Variants in HIGD1A observed in about 807,000 individuals in gnomAD.
HIGD1A encodes the protein HIG1 domain family member 1A, mitochondrial.
Under a neutral mutation model 11.3 loss-of-function variants are expected in HIGD1A, and 8 were observed. The observed-to-expected ratio is 0.71, with a 90% CI of 0.42 to 1.28. The LOEUF (loss-of-function observed/expected upper bound fraction) is 1.28, where lower values mean the gene tolerates loss of function less well. HIGD1A is among the 50% of genes most tolerant of loss of function. The probability of loss-of-function intolerance (pLI) is 0.01; values close to 1 mark genes in which losing one functional copy is unlikely to be tolerated. For missense variants in HIGD1A, 107 were observed against 118.8 expected (o/e 0.90, Z 0.46); for synonymous variants, 32 against 38.4 (o/e 0.83, Z 0.62).
chr3:42,804,155 C>G, intron 1 of HIGD1A: 1 of 1,609,346 alleles, frequency 6.2e-7, no homozygotes, highest in Non-Finnish European at 8.5e-7. Flanking sequence ...GCGAGTCTTC[C>G]CCGCTCGGCA....
At chr3:42,786,350 A>T (rs1206327783) in intron 2 of HIGD1A, among the ~76,000 whole-genome samples, 188 bp from the exon 3 acceptor site, 2 of 152,206 alleles carry the variant, frequency 1.3e-5, no homozygotes, top group African/African-American at 4.8e-5. Flanking sequence ...ACAACAACAG[A>T]TCCAGAAAGT....
At chr3:42,789,045 T>TTC (rs1322066305) in intron 2 of HIGD1A, among the ~76,000 whole-genome samples, 6 of 144,048 alleles carry the variant, frequency 4.2e-5, no homozygotes, top group African/African-American at 1.5e-4. Flanking sequence ...GGAATTTTTT[T>TTC]TTTTTTTTTT....
In HIGD1A at chr3:42,804,423, T is replaced by C. The variant is rs916631921; in HGVS notation, c.-23+13A>G. 2.0e-6 allele frequency: 1 copy of C among 499,890 alleles called. No individual in the cohort carries two copies. The highest frequency in any genetic ancestry group is 3.5e-6 in the Non-Finnish European group (1 of 282,118). The allele number at this position is 499,890 out of a possible 1,614,324, so 31.0% of individuals were successfully genotyped here. A position where few individuals can be genotyped will look rare whatever the true frequency, so the allele number is the denominator to read the frequency against. ...AGTCCCTGGCTCGCAGTCCCCCGGCTTGTTTCGCTTACCTAGAGCGAGAAA... is the reference window on the plus strand; with the variant it reads ...AGTCCCTGGCTCGCAGTCCCCCGGCCTGTTTCGCTTACCTAGAGCGAGAAA... On this transcript the variant is annotated intron_variant, in intron 1 of 3. Transcript: ENST00000321331.
intron 2 of HIGD1A, among the ~76,000 whole-genome samples, chr3:42,790,996 T>C (rs1247900357): frequency 6.6e-6 from 1 of 152,138 alleles, no homozygotes; most frequent in Non-Finnish European, 1.5e-5. Context: ...TTTAAGAAGG[T>C]AGAATAGTGA....
chr3:42,790,414 T>C (rs543366197), intron 2 of HIGD1A, among the ~76,000 whole-genome samples: 113 of 152,266 alleles, frequency 7.4e-4, no homozygotes, highest in African/African-American at 2.7e-3. Context: ...GCGCCTGTAA[T>C]ACCAGCTACT....
chr3:42,787,723 C>T (rs575020674), intron 2 of HIGD1A, among the ~76,000 whole-genome samples: 13 of 149,234 alleles, frequency 8.7e-5, no homozygotes, highest in African/African-American at 2.2e-4. Flanking sequence ...TATTAGAAGA[C>T]AACAAAATGG....
At chr3:42,804,323 G>A in intron 1 of HIGD1A, 113 bp downstream of exon 1, 1 of 834,262 alleles carries the variant, frequency 1.2e-6, no homozygotes, top group Non-Finnish European at 1.8e-6. Flanking sequence ...TCGAGACACG[G>A]ACTCCCAGCC....
chr3:42,804,029 C>T (rs1700604275), intron 1 of HIGD1A: 1 of 859,638 alleles, frequency 1.2e-6, no homozygotes, highest in Admixed American at 2.5e-5. Flanking sequence ...CCTCGCCTGC[C>T]GCTTAGCCCG....
intron 1 of HIGD1A, 140 bp downstream of exon 1, chr3:42,804,291 AACTCC>A (rs1700608022): frequency 8.4e-7 from 1 of 1,188,150 alleles, no homozygotes; most frequent in African/African-American, 1.5e-5. Context: ...GAGCCCCGGC[AACTCC>A]ACCTCTCCTC....
intron 1 of HIGD1A, among the ~76,000 whole-genome samples, chr3:42,795,876 C>A (rs1022500719): frequency 1.3e-5 from 2 of 152,204 alleles, no homozygotes; most frequent in Admixed American, 1.3e-4. Flanking sequence ...ACTTTCTTCA[C>A]TGAACTATTT....
chr3:42,791,039 C>G (rs1700416200), intron 2 of HIGD1A, among the ~76,000 whole-genome samples: 1 of 152,116 alleles, frequency 6.6e-6, no homozygotes, highest in Non-Finnish European at 1.5e-5. Context: ...TCTAAACATA[C>G]CACTAAGTTT....
intron 2 of HIGD1A, among the ~76,000 whole-genome samples, chr3:42,789,038 ATTT>A (rs35390450): frequency 6.1e-4 from 69 of 113,936 alleles, no homozygotes; most frequent in Middle Eastern, 5.7e-3. Context: ...TACTTTGGGA[ATTT>A]TTTTTTTTTT....
chr3:42,788,026 C>G lies in HIGD1A; in HGVS notation c.98-1864G>C, dbSNP rs918154541. 9.7e-4 allele frequency among the ~76,000 whole-genome samples: 15 copies of G among 15,522 alleles called. No individual in the cohort carries two copies. The Admixed American group carries it at 0.012, about 12-fold the overall frequency. 10.2% of individuals were successfully genotyped at this position (15,522 alleles called of 152,430 possible). On this transcript the variant is annotated intron_variant, in intron 2 of 3. Coordinates refer to ENST00000321331, the MANE Select transcript of HIGD1A (RefSeq NM_014056.4). The stretch of plus-strand genomic sequence containing the variant: ...ACGTAAAACAACCACACACATACCC[C>G]CACCTCTAACCACTGAGAAGCTGAG...
At chr3:42,787,170 T>G (rs1700361994) in intron 2 of HIGD1A, among the ~76,000 whole-genome samples, 1 of 152,068 alleles carries the variant, frequency 6.6e-6, no homozygotes, top group South Asian at 2.1e-4. Context: ...CTAAAGGTCT[T>G]AGGGAATAAA....
At chr3:42,788,288 T>C (rs2125924082) in intron 2 of HIGD1A, among the ~76,000 whole-genome samples, 1 of 152,316 alleles carries the variant, frequency 6.6e-6, no homozygotes, top group Non-Finnish European at 1.5e-5. Context: ...CCAATTAAAT[T>C]TGAAAATCTA....
At position 42,791,338 on chromosome 3, in the gene HIGD1A, A is replaced by G. The variant is rs552573395; in HGVS notation, c.97+2819T>C. ...ATCCCAGGATCATGAAGGCCTTGCA[A>G]CATATTAAGAAAACATTAATACCTA... On this transcript the variant is annotated intron_variant, in intron 2 of 3. Transcript: ENST00000321331. 1.2e-4 allele frequency among the ~76,000 whole-genome samples: 19 copies of G among 152,346 alleles called. No individual in the cohort carries two copies. The South Asian group carries it at 3.5e-3, about 28-fold the overall frequency.
Position 42,794,284 on chromosome 3 carries a change from G to C in HIGD1A, c.-22-9C>G. Reference sequence around the variant, plus strand: ...TTGCTTGAAGAATCTCCCTGAGAAAGAATTTCTATGAGGTTCTGTAATTAA... The same window carrying C: ...TTGCTTGAAGAATCTCCCTGAGAAACAATTTCTATGAGGTTCTGTAATTAA... On this transcript the variant is annotated splice_polypyrimidine_tract_variant and intron_variant, in intron 1 of 3. Coordinates refer to ENST00000321331, the MANE Select transcript of HIGD1A (RefSeq NM_014056.4). 2 of 1,558,070 alleles carry C rather than the reference G, an allele frequency of 1.3e-6. No individual in the cohort carries two copies. Among genetic ancestry groups the C allele is most frequent in the Non-Finnish European group, 1.7e-6 (2 of 1,160,308 alleles).
At chr3:42,791,088 T>C (rs1383978140) in intron 2 of HIGD1A, among the ~76,000 whole-genome samples, 1 of 152,250 alleles carries the variant, frequency 6.6e-6, no homozygotes. Context: ...CATACAGTAG[T>C]TGAGTAACAA....
chr3:42,795,213 G>A (rs1700479953), intron 1 of HIGD1A, among the ~76,000 whole-genome samples: 1 of 107,502 alleles, frequency 9.3e-6, no homozygotes, highest in Non-Finnish European at 1.8e-5. Context: ...GCCAGCTTAT[G>A]ATTAGCTTTT....
Sources: allele counts gnomAD v4.1 joint callset (sites outside exome capture counted in the v4.1 genomes callset), GRCh38; gene constraint gnomAD v4.1.1; transcripts MANE v1.5; gene names NCBI Gene and HGNC (gene_info 2026-07-23, HGNC 2026-07-21).